Variants in OTUD7A observed in about 807,000 individuals in gnomAD.
OTUD7A encodes OTU domain-containing protein 7A.
In OTUD7A, 12 loss-of-function variants were observed where a neutral mutation model predicts 65.7. The ratio of observed to expected loss-of-function variants is 0.18; its 90% CI spans 0.12 to 0.30. OTUD7A has a LOEUF of 0.30. Ranked by LOEUF, OTUD7A falls within the 10% of genes least tolerant of loss-of-function variation. OTUD7A has a pLI of 1.00. For synonymous variants in OTUD7A, 641 were observed against 586.3 expected, an observed-to-expected ratio of 1.09 and a Z score of -1.35; for missense variants, 1,148 against 1,304.8, an observed-to-expected ratio of 0.88 and a Z score of 1.85.
At chr15:31,831,669 A>C (rs921963232) in intron 1 of OTUD7A, among the ~76,000 whole-genome samples, 3 of 152,234 alleles carry the variant, frequency 2.0e-5, no homozygotes. Flanking sequence ...ATCCGTTCAC[A>C]GAAAGCCTTG....
intron 1 of OTUD7A, among the ~76,000 whole-genome samples, chr15:31,727,845 C>T (rs1317515345): frequency 6.6e-6 from 1 of 152,198 alleles, no homozygotes; most frequent in East Asian, 1.9e-4. Context: ...GCCGCCCCTT[C>T]TGACTCTTCT....
chr15:31,846,575 C>G (rs1296973464), intron 1 of OTUD7A, among the ~76,000 whole-genome samples: 1 of 152,146 alleles, frequency 6.6e-6, no homozygotes, highest in Admixed American at 6.5e-5. Context: ...CAAGATTCAT[C>G]TACTCAACCT....
chr15:31,592,882 A>AT (rs1201943190), intron 3 of OTUD7A, among the ~76,000 whole-genome samples: 643 of 43,978 alleles, frequency 0.015, 16 homozygotes, highest in Admixed American at 0.019. Context: ...TCTGTCTCAA[A>AT]AAAAAAAAAA....
At chr15:31,522,844 A>T (rs1434842721) in intron 8 of OTUD7A, among the ~76,000 whole-genome samples, 1 of 152,204 alleles carries the variant, frequency 6.6e-6, no homozygotes, top group Non-Finnish European at 1.5e-5. Flanking sequence ...GATACGTGAC[A>T]TAGTTGCTTT....
intron 3 of OTUD7A, among the ~76,000 whole-genome samples, chr15:31,603,901 C>G (rs923344841): frequency 6.6e-5 from 10 of 152,194 alleles, no homozygotes; most frequent in Admixed American, 6.5e-4. Flanking sequence ...GAGATACCAT[C>G]TCACACCAGT....
chr15:31,491,627 C>T (rs570612081), intron 10 of OTUD7A, among the ~76,000 whole-genome samples: 42 of 152,106 alleles, frequency 2.8e-4, no homozygotes, highest in Admixed American at 4.6e-4. Flanking sequence ...AAATTAATGA[C>T]AACCATCAAC....
In OTUD7A at chr15:31,498,162, T is replaced by G. The variant is rs118058770; in HGVS notation, c.1171+3528A>C. On this transcript the variant is annotated intron_variant, in intron 10 of 12. Coordinates refer to ENST00000307050, the MANE Select transcript of OTUD7A (RefSeq NM_001382637.1). The surrounding 1 kb of genome is among the most constrained non-coding windows in gnomAD (Gnocchi z 4.2). The stretch of plus-strand genomic sequence containing the variant: ...AGCTGCCATTTTGGACTGTAGAGCC[T>G]CCTGGGGTATTTGAGGGTATGCTCA... Among the ~76,000 whole-genome samples, 422 of 152,304 alleles carry G rather than the reference T, an allele frequency of 2.8e-3. 3 individuals carry two copies. Among genetic ancestry groups the G allele is most frequent in the Non-Finnish European group, 1.9e-3 (130 of 68,030 alleles).
chr15:31,592,922 T>A lies in OTUD7A; in HGVS notation c.152-22725A>T, dbSNP rs1309159230. Among the ~76,000 whole-genome samples the A allele has an allele frequency of 2.6e-3, 234 of 89,256 alleles. 1 individual carries two copies. Among genetic ancestry groups the A allele is most frequent in the African/African-American group, 7.8e-3 (117 of 15,046 alleles). The allele number at this position is 89,256 out of a possible 152,430, so 58.6% of individuals were successfully genotyped here. A position where few individuals can be genotyped will look rare whatever the true frequency, so the allele number is the denominator to read the frequency against. On this transcript the variant is annotated intron_variant, in intron 3 of 12. Transcript: ENST00000307050. ...AAAAAAAAATATATATATATATATA[T>A]ATATATATATATATGTATATATACA...
At chr15:31,609,230 C>T (rs1382600456) in intron 3 of OTUD7A, among the ~76,000 whole-genome samples, 1 of 152,176 alleles carries the variant, frequency 6.6e-6, no homozygotes, top group Non-Finnish European at 1.5e-5. Flanking sequence ...GGCCAGAACT[C>T]AGGGGAAGGC....
At chr15:31,634,768 C>T (rs1056468792) in intron 3 of OTUD7A, among the ~76,000 whole-genome samples, 1 of 152,378 alleles carries the variant, frequency 6.6e-6, no homozygotes, top group East Asian at 1.9e-4. Context: ...ACACAGAAAC[C>T]GCCCAAGGCT....
At chr15:31,697,585 T>C (rs1307677848) in intron 1 of OTUD7A, among the ~76,000 whole-genome samples, 2 of 151,188 alleles carry the variant, frequency 1.3e-5, no homozygotes, top group Non-Finnish European at 2.9e-5. Flanking sequence ...GGAGGTGAAA[T>C]TGAAAAGATT....
intron 3 of OTUD7A, among the ~76,000 whole-genome samples, chr15:31,611,815 C>G (rs1033830540): frequency 6.6e-6 from 1 of 152,150 alleles, no homozygotes; most frequent in African/African-American, 2.4e-5. Context: ...CAGCATCACC[C>G]TAATACCAAA....
intron 1 of OTUD7A, among the ~76,000 whole-genome samples, chr15:31,784,648 A>G (rs1895625233): frequency 6.6e-6 from 1 of 152,296 alleles, no homozygotes; most frequent in East Asian, 1.9e-4. Context: ...AATTTTTAAG[A>G]ATGTAAGGGA....
At chr15:31,740,449 T>G (rs1230447967) in intron 1 of OTUD7A, among the ~76,000 whole-genome samples, 17 of 135,884 alleles carry the variant, frequency 1.3e-4, no homozygotes, top group South Asian at 2.6e-4. Context: ...GGGTGGGAGG[T>G]GGGAGGAAGG....
intron 3 of OTUD7A, among the ~76,000 whole-genome samples, chr15:31,631,388 C>A (rs1729374434): frequency 6.6e-6 from 1 of 152,152 alleles, no homozygotes; most frequent in African/African-American, 2.4e-5. Context: ...GTTGAAAATT[C>A]TTTTCTTTAA....
chr15:31,526,268 T>G, intron 8 of OTUD7A, 81 bp downstream of exon 8: 2 of 1,305,976 alleles, frequency 1.5e-6, no homozygotes, highest in Non-Finnish European at 2.1e-6. Context: ...TTCCCCCCCG[T>G]GCCATCCCCC....
intron 1 of OTUD7A, among the ~76,000 whole-genome samples, chr15:31,665,071 T>C (rs1404177755): frequency 6.6e-6 from 1 of 152,244 alleles, no homozygotes; most frequent in Admixed American, 6.5e-5. Context: ...CCTTATAGTA[T>C]AGTTTGAAAG....
At chr15:31,772,353 C>G (rs1165481485) in intron 1 of OTUD7A, among the ~76,000 whole-genome samples, 8 of 152,186 alleles carry the variant, frequency 5.3e-5, no homozygotes, top group Non-Finnish European at 1.0e-4. Context: ...CAATGCTATG[C>G]CTTTTTCATT....
At chr15:31,522,043 G>A (rs1251359341) in intron 8 of OTUD7A, among the ~76,000 whole-genome samples, 2 of 152,148 alleles carry the variant, frequency 1.3e-5, no homozygotes, top group Non-Finnish European at 2.9e-5. Flanking sequence ...CAAGAGTGTG[G>A]GCTTAGGTTT....
Sources: allele counts gnomAD v4.1 joint callset (sites outside exome capture counted in the v4.1 genomes callset), GRCh38; gene constraint gnomAD v4.1.1; non-coding constraint Gnocchi (gnomAD v3.1); transcripts MANE v1.5; gene names NCBI Gene and HGNC (gene_info 2026-07-23, HGNC 2026-07-21).